The following PTPRT variants were observed in gnomAD, a reference collection of about 807,000 sequenced individuals.
PTPRT encodes the protein protein tyrosine phosphatase receptor type T, also known as receptor-type tyrosine-protein phosphatase T.
In PTPRT, 56 loss-of-function variants were observed where a neutral mutation model predicts 176.8. The observed-to-expected ratio is 0.32, with a 90% CI of 0.26 to 0.40. The LOEUF is 0.40. Among genes scored for constraint, PTPRT ranks in the 10% least tolerant of loss-of-function variants. The pLI is 1.00. For missense variants in PTPRT, 1,540 were observed against 1,908.2 expected (o/e 0.81, Z 3.60); for synonymous variants, 783 against 739.0 (o/e 1.06, Z -0.96).
At chr20:42,447,811 T>G (rs2070759076) in intron 9 of PTPRT, among the ~76,000 whole-genome samples, 1 of 152,190 alleles carries the variant, frequency 6.6e-6, no homozygotes, top group Admixed American at 6.5e-5. Context: ...GTGCAGAGAA[T>G]AACATTGGGA....
chr20:42,652,451 AC>A lies in PTPRT; in HGVS notation c.1153+25414del, dbSNP rs1230730624. On this transcript the variant is annotated intron_variant, in intron 7 of 30. Transcript: ENST00000373187. The stretch of plus-strand genomic sequence containing the variant: ...ATGGTGCACGAAGCAGGGTGTTGTA[AC>A]TTTCCAGCCTGCATCTGGTTATGAT... Among the ~76,000 whole-genome samples, 5 of 152,198 alleles carry A rather than the reference AC, an allele frequency of 3.3e-5. No individual in the cohort carries two copies. In the East Asian group the frequency reaches 9.7e-4, roughly 30 times the overall value.
chr20:42,989,521 C>T (rs960682846), intron 1 of PTPRT, among the ~76,000 whole-genome samples: 2 of 152,218 alleles, frequency 1.3e-5, no homozygotes, highest in East Asian at 3.9e-4. Context: ...CTGACAAGGA[C>T]TGCCCAGGTA....
At chr20:42,994,974 C>G (rs1431730680) in intron 1 of PTPRT, among the ~76,000 whole-genome samples, 1 of 152,218 alleles carries the variant, frequency 6.6e-6, no homozygotes, top group African/African-American at 2.4e-5. Context: ...GTGGTTACCA[C>G]TGGTGCCAGT....
At chr20:42,066,884 A>G in the PTPRT span, among the ~76,000 whole-genome samples, 1 of 152,206 alleles carries the variant, frequency 6.6e-6, no homozygotes, top group Non-Finnish European at 1.5e-5. Context: ...TTTGTTGGAT[A>G]CAACAACAAA....
intron 1 of PTPRT, among the ~76,000 whole-genome samples, chr20:42,906,200 A>G (rs73910611): frequency 0.01 from 1,533 of 152,278 alleles, 19 homozygotes; most frequent in African/African-American, 0.035. Flanking sequence ...TCAGAGGAAG[A>G]AGACACAAGT....
chr20:42,145,370 C>T (rs1988814951), intron 17 of PTPRT, among the ~76,000 whole-genome samples: 1 of 152,142 alleles, frequency 6.6e-6, no homozygotes, highest in Admixed American at 6.5e-5. Flanking sequence ...CGTGGTGACA[C>T]ATGCCTGTAC....
At chr20:42,562,068 G>A (rs1001121410) in intron 7 of PTPRT, among the ~76,000 whole-genome samples, 14 of 152,124 alleles carry the variant, frequency 9.2e-5, no homozygotes, top group Admixed American at 3.3e-4. Context: ...CAGTTGCTTC[G>A]TCTGTAAACT....
chr20:42,451,153 T>G (rs555788899), intron 8 of PTPRT, among the ~76,000 whole-genome samples: 57 of 152,180 alleles, frequency 3.7e-4, no homozygotes, highest in Non-Finnish European at 6.5e-4. Context: ...ATGATGGTAG[T>G]GTAGAAGTGA....
chr20:42,726,724 G>A (rs1158266281), intron 6 of PTPRT, among the ~76,000 whole-genome samples: 3 of 152,180 alleles, frequency 2.0e-5, no homozygotes, highest in Non-Finnish European at 2.9e-5. Context: ...AGGGCCTCGG[G>A]CTCTTCCATC....
At chr20:42,099,820 G>A (rs1985750244) in intron 26 of PTPRT, among the ~76,000 whole-genome samples, 1 of 152,010 alleles carries the variant, frequency 6.6e-6, no homozygotes, top group Admixed American at 6.5e-5. Flanking sequence ...CATTGGCTGG[G>A]GGGGCCCTTC....
rs568650752 is a variant in PTPRT at position 42,396,414 on chromosome 20, C to A, written c.1561-44129G>T. ...GCAGCCTCTCTACTTCTATCCTTGC[C>A]TTCCTTTAGCTTGTTGTCAGCAGAG... On this transcript the variant is annotated intron_variant, in intron 9 of 30. Coordinates refer to ENST00000373187, the MANE Select transcript of PTPRT (RefSeq NM_007050.6). Among the ~76,000 whole-genome samples, 4 of 152,290 alleles carry A rather than the reference C, an allele frequency of 2.6e-5. No individual in the cohort carries two copies. The East Asian group carries it at 7.7e-4, about 29-fold the overall frequency.
intron 1 of PTPRT, among the ~76,000 whole-genome samples, chr20:42,900,344 A>C (rs2079381083): frequency 6.6e-6 from 1 of 152,214 alleles, no homozygotes; most frequent in Non-Finnish European, 1.5e-5. Context: ...AGCTGTCTTC[A>C]GGTGCTATCT....
chr20:42,333,210 T>A (rs1333583178), intron 11 of PTPRT, among the ~76,000 whole-genome samples: 1 of 152,220 alleles, frequency 6.6e-6, no homozygotes, highest in Admixed American at 6.5e-5. Context: ...GAAACAGATA[T>A]GATAATCCAA....
chr20:42,129,409 C>T (rs985941896), intron 18 of PTPRT, among the ~76,000 whole-genome samples: 18 of 152,304 alleles, frequency 1.2e-4, no homozygotes, highest in African/African-American at 4.1e-4. Context: ...GATGCCTTTT[C>T]AAACACTATC....
intron 1 of PTPRT, among the ~76,000 whole-genome samples, chr20:43,159,719 C>G (rs2014635725): frequency 6.6e-6 from 1 of 152,118 alleles, no homozygotes; most frequent in Admixed American, 6.5e-5. Context: ...TCTCAGATGT[C>G]CATAATGATC....
chr20:42,318,785 T>C (rs927926401), intron 11 of PTPRT, among the ~76,000 whole-genome samples: 1 of 152,116 alleles, frequency 6.6e-6, no homozygotes, highest in Non-Finnish European at 1.5e-5. Context: ...GACTTCCCAT[T>C]CTACCTTAAA....
At chr20:42,269,622 A>G (rs2056896689) in intron 13 of PTPRT, among the ~76,000 whole-genome samples, 1 of 152,230 alleles carries the variant, frequency 6.6e-6, no homozygotes, top group South Asian at 2.1e-4. Flanking sequence ...CACCTATGGT[A>G]CACTTGAGGA....
intron 1 of PTPRT, among the ~76,000 whole-genome samples, chr20:42,947,458 A>G (rs980857691): frequency 1.3e-5 from 2 of 152,100 alleles, no homozygotes; most frequent in Non-Finnish European, 2.9e-5. Flanking sequence ...GAGCAGGGAA[A>G]TTCTAATGCT....
intron 7 of PTPRT, among the ~76,000 whole-genome samples, chr20:42,494,237 C>A (rs1431573860): frequency 6.6e-6 from 1 of 151,968 alleles, no homozygotes; most frequent in African/African-American, 2.4e-5. Flanking sequence ...AATAATGTGG[C>A]AAAAAGACAC....
Sources: allele counts gnomAD v4.1 joint callset (sites outside exome capture counted in the v4.1 genomes callset), GRCh38; gene constraint gnomAD v4.1.1; transcripts MANE v1.5; gene names NCBI Gene and HGNC (gene_info 2026-07-23, HGNC 2026-07-21).